Variants in NR4A3 observed in about 807,000 individuals in gnomAD.
The protein encoded by NR4A3 is nuclear receptor subfamily 4 group A member 3.
A neutral mutation model predicts 55.6 loss-of-function variants in NR4A3; 13 were observed. The ratio of observed to expected loss-of-function variants is 0.23; its 90% CI spans 0.15 to 0.37. The LOEUF is 0.37. Ranked by LOEUF, NR4A3 falls within the 10% of genes least tolerant of loss-of-function variation. The pLI, the probability that NR4A3 is intolerant of heterozygous loss-of-function variation, is 1.00. For synonymous variants in NR4A3, 342 were observed against 357.9 expected, an observed-to-expected ratio of 0.96 and a Z score of 0.50; for missense variants, 646 against 822.8, an observed-to-expected ratio of 0.79 and a Z score of 2.63.
At chr9:99,856,026 G>A (rs1587887666) in intron 7 of NR4A3, among the ~76,000 whole-genome samples, 1 of 151,972 alleles carries the variant, frequency 6.6e-6, no homozygotes. Context: ...ATATAGCAGC[G>A]GTCCCCAGCA....
At chr9:99,838,960 A>C (rs1479043959) in intron 5 of NR4A3, among the ~76,000 whole-genome samples, 2 of 152,260 alleles carry the variant, frequency 1.3e-5, no homozygotes, top group Admixed American at 6.5e-5. Flanking sequence ...TCCTGAAAGC[A>C]ATCAATTCAT....
Position 99,866,204 on chromosome 9 carries a change from G to A in NR4A3, c.*2337G>A. ...TAACATTTCATACAAGATAGCTTCAGACCAAATTCAAATTGAATTTGAATA... is the reference window on the plus strand; with the variant it reads ...TAACATTTCATACAAGATAGCTTCAAACCAAATTCAAATTGAATTTGAATA... On this transcript the variant is annotated 3_prime_UTR_variant, in exon 8 of 8. Transcript: ENST00000395097. 4.6e-6 allele frequency: 1 copy of A among 216,080 alleles called. No individual in the cohort carries two copies. The highest frequency in any genetic ancestry group is 6.9e-5 in the East Asian group (1 of 14,542). The allele number at this position is 216,080 out of a possible 1,614,324, so 13.4% of individuals were successfully genotyped here.
At chr9:99,839,832 A>G (rs1485221224) in intron 5 of NR4A3, among the ~76,000 whole-genome samples, 2 of 152,206 alleles carry the variant, frequency 1.3e-5, no homozygotes, top group Non-Finnish European at 2.9e-5. Flanking sequence ...TCAGTAAGCA[A>G]ATATTTCTAG....
chr9:99,857,300 G>GGGAA (rs1827944452), intron 7 of NR4A3, among the ~76,000 whole-genome samples: 1 of 152,144 alleles, frequency 6.6e-6, no homozygotes, highest in African/African-American at 2.4e-5. Context: ...TGATTTGAAG[G>GGGAA]GGAAGGTAAT....
chr9:99,864,137 A>G lies in NR4A3; in HGVS notation c.*270A>G, dbSNP rs1382765026. ...TTATAGTTCATGAGGGTTTTCTAAGAAATTGCTAACAAAGCACTTTTGGAC... is the reference window on the plus strand; with the variant it reads ...TTATAGTTCATGAGGGTTTTCTAAGGAATTGCTAACAAAGCACTTTTGGAC... On this transcript the variant is annotated 3_prime_UTR_variant, in exon 8 of 8. Transcript: ENST00000395097. 2.7e-6 allele frequency: 1 copy of G among 370,244 alleles called. No individual in the cohort carries two copies. Among genetic ancestry groups the G allele is most frequent in the African/African-American group, 2.0e-5 (1 of 49,422 alleles). 22.9% of individuals were successfully genotyped at this position (370,244 alleles called of 1,614,324 possible). A position where few individuals can be genotyped will look rare whatever the true frequency, so the allele number is the denominator to read the frequency against.
At chr9:99,831,884 GA>G (rs1827450023) in intron 3 of NR4A3, among the ~76,000 whole-genome samples, 1 of 152,060 alleles carries the variant, frequency 6.6e-6, no homozygotes, top group African/African-American at 2.4e-5. Flanking sequence ...TAAGTTTTAT[GA>G]TTTTTTTTAC....
chr9:99,827,073 C>T (rs796437288), intron 2 of NR4A3, among the ~76,000 whole-genome samples: 3 of 152,326 alleles, frequency 2.0e-5, no homozygotes, highest in Admixed American at 6.5e-5. Flanking sequence ...ATACCAGCCA[C>T]TTTGGGGGCA....
intron 1 of NR4A3, among the ~76,000 whole-genome samples, chr9:99,824,609 G>A (rs890424827): frequency 5.3e-5 from 8 of 152,194 alleles, no homozygotes; most frequent in Non-Finnish European, 1.0e-4. Flanking sequence ...GGCAAGCCCC[G>A]GGCTCAGGGG....
chr9:99,850,228 G>A (rs1381914077), intron 7 of NR4A3, among the ~76,000 whole-genome samples: 1 of 152,172 alleles, frequency 6.6e-6, no homozygotes, highest in Admixed American at 6.5e-5. Context: ...GGTCAGGTTT[G>A]CGTTTTAGAA....
At position 99,834,987 on chromosome 9, in the gene NR4A3, A is replaced by G. The variant is rs970919304; in HGVS notation, c.1254+1533A>G. On this transcript the variant is annotated intron_variant, in intron 5 of 7. Coordinates refer to ENST00000395097, the MANE Select transcript of NR4A3 (RefSeq NM_006981.4). ...TCATGCGGGCCTAGATGAAAATCCC[A>G]ACACTGTCCTTTACTAGCTAAGTGA... The G allele has an allele frequency of 7.5e-6, 7 of 937,192 alleles. No individual in the cohort carries two copies. The Admixed American group carries it at 1.8e-4, about 25-fold the overall frequency. The allele number at this position is 937,192 out of a possible 1,614,324, so 58.1% of individuals were successfully genotyped here.
In NR4A3 at chr9:99,828,648, G is replaced by A. The variant is rs1472407683; in HGVS notation, c.606G>A (p.Ala202=). ...HFKPSPPHPP[A]PSPAGGHHLG... ...AGCCCTCGCCGCCGCATCCCCCCGC[G>A]CCCAGCCCGGCCGGCGGCCACCACC... is the stretch of plus-strand genomic sequence containing the variant. Residue 202 remains alanine, a synonymous_variant, in exon 3 of 8, where the codon GCG becomes GCA. Transcript: ENST00000395097. This position sits in a 1 kb window ranked among gnomAD's most constrained non-coding sequence, Gnocchi z 7.7. 221 of 1,431,560 alleles carry A rather than the reference G, an allele frequency of 1.5e-4. No individual in the cohort carries two copies. Among genetic ancestry groups the A allele is most frequent in the Admixed American group, 2.9e-4 (10 of 33,996 alleles). 88.7% of individuals were successfully genotyped at this position (1,431,560 alleles called of 1,614,324 possible).
At chr9:99,841,399 A>C (rs931080345) in intron 5 of NR4A3, among the ~76,000 whole-genome samples, 5 of 152,310 alleles carry the variant, frequency 3.3e-5, no homozygotes, top group African/African-American at 1.2e-4. Context: ...CAGAGAAGCC[A>C]GGGCTCTGAA....
chr9:99,863,605 T>C lies in NR4A3; in HGVS notation c.1634-15T>C. 1 of 1,610,456 alleles carries C rather than the reference T, an allele frequency of 6.2e-7. No homozygotes were observed. Among genetic ancestry groups the C allele is most frequent in the Non-Finnish European group, 8.5e-7 (1 of 1,178,550 alleles). ...TTGCCTCCTAAACTTCTTGCCCTTC[T>C]CTATCCCTCTGCAGAAAGACATGGG... is the stretch of plus-strand genomic sequence containing the variant. On this transcript the variant is annotated splice_polypyrimidine_tract_variant and intron_variant, in intron 7 of 7. Coordinates refer to ENST00000395097, the MANE Select transcript of NR4A3 (RefSeq NM_006981.4).
intron 5 of NR4A3, among the ~76,000 whole-genome samples, chr9:99,839,291 A>C (rs1248214859): frequency 6.6e-6 from 1 of 152,158 alleles, no homozygotes; most frequent in Non-Finnish European, 1.5e-5. Flanking sequence ...TGACTTATAC[A>C]ATGATCACAT....
In NR4A3 at chr9:99,865,523, A is replaced by G. The variant is rs1486166461; in HGVS notation, c.*1656A>G. 5.4e-6 allele frequency: 1 copy of G among 183,974 alleles called. No homozygotes were observed. The highest frequency in any genetic ancestry group is 1.2e-5 in the Non-Finnish European group (1 of 86,378). The allele number at this position is 183,974 out of a possible 1,614,324, so 11.4% of individuals were successfully genotyped here. A position where few individuals can be genotyped will look rare whatever the true frequency, so the allele number is the denominator to read the frequency against. ...AAGATTTTTAGGTCTAAAAGTCTTTATATTATATACTCTGTATCAAGTCAA... is the reference window on the plus strand; with the variant it reads ...AAGATTTTTAGGTCTAAAAGTCTTTGTATTATATACTCTGTATCAAGTCAA... On this transcript the variant is annotated 3_prime_UTR_variant, in exon 8 of 8. Transcript: ENST00000395097. The surrounding 1 kb of genome is among the most constrained non-coding windows in gnomAD (Gnocchi z 4.3).
rs1007325041 is a variant in NR4A3, at chr9:99,866,309, A to G, written c.*2442A>G. 55 of 221,690 alleles carry G rather than the reference A, an allele frequency of 2.5e-4. No homozygotes were observed. The highest frequency in any genetic ancestry group is 4.3e-4 in the Non-Finnish European group (48 of 110,664). 13.7% of individuals were successfully genotyped at this position (221,690 alleles called of 1,614,324 possible). ...GTTAATCCTTGTTTTTGTCGTGTCTATAAAGGAAGAACAAAACAAAATAAA... is the reference window on the plus strand; with the variant it reads ...GTTAATCCTTGTTTTTGTCGTGTCTGTAAAGGAAGAACAAAACAAAATAAA... On this transcript the variant is annotated 3_prime_UTR_variant, in exon 8 of 8. Transcript: ENST00000395097.
At position 99,864,068 on chromosome 9, in the gene NR4A3, G is replaced by A. The variant is rs922832120; in HGVS notation, c.*201G>A. 1.2e-5 allele frequency: 5 copies of A among 429,630 alleles called. No individual in the cohort carries two copies. Among genetic ancestry groups the A allele is most frequent in the African/African-American group, 1.0e-4 (5 of 49,596 alleles). 26.6% of individuals were successfully genotyped at this position (429,630 alleles called of 1,614,324 possible). ...AAAACTTGCAGAGTATTGTGTTGGGGTTGTGTTTTATATTTAGGCATTGGG... is the reference window on the plus strand; with the variant it reads ...AAAACTTGCAGAGTATTGTGTTGGGATTGTGTTTTATATTTAGGCATTGGG... On this transcript the variant is annotated 3_prime_UTR_variant, in exon 8 of 8. Coordinates refer to ENST00000395097, the MANE Select transcript of NR4A3 (RefSeq NM_006981.4).
At position 99,834,609 on chromosome 9, in the gene NR4A3, C is replaced by T. The variant is rs1200137518; in HGVS notation, c.1254+1155C>T. On this transcript the variant is annotated intron_variant, in intron 5 of 7. Transcript: ENST00000395097. ...TTGGTGGCTACTACCAAACTGCCCTCCCCAGGTCTAATCAGTGTTTCAAGC... is the reference window on the plus strand; with the variant it reads ...TTGGTGGCTACTACCAAACTGCCCTTCCCAGGTCTAATCAGTGTTTCAAGC... Among the ~76,000 whole-genome samples, 6 of 152,284 alleles carry T rather than the reference C, an allele frequency of 3.9e-5. No homozygotes were observed. In the South Asian group the frequency reaches 8.3e-4, roughly 21 times the overall value.
intron 1 of NR4A3, among the ~76,000 whole-genome samples, chr9:99,823,563 C>T (rs150216523): frequency 6.6e-6 from 1 of 152,166 alleles, no homozygotes; most frequent in African/African-American, 2.4e-5. Context: ...CCTTTTCCCA[C>T]GACCGGGAAA....
Sources: gnomAD v4.1 joint callset for allele counts (sites outside exome capture counted in the v4.1 genomes callset) on GRCh38, gnomAD v4.1.1 for gene constraint, Gnocchi (gnomAD v3.1) non-coding constraint, MANE v1.5 for transcripts, NCBI Gene and HGNC (gene_info 2026-07-23, HGNC 2026-07-21) for gene names.